PPME1: variants seen among roughly 807,000 people sequenced by gnomAD.
PPME1 encodes protein phosphatase methylesterase 1.
Under a neutral mutation model 56.9 loss-of-function variants are expected in PPME1, and 17 were observed. The ratio of observed to expected loss-of-function variants is 0.30; its 90% CI spans 0.20 to 0.45. The LOEUF (loss-of-function observed/expected upper bound fraction) is 0.45, where lower values mean the gene tolerates loss of function less well. Ranked by LOEUF, PPME1 falls within the 20% of genes least tolerant of loss-of-function variation. PPME1 has a pLI of 1.00. For missense variants in PPME1, 357 were observed against 483.2 expected (o/e 0.74, Z 2.45); for synonymous variants, 122 against 156.2 (o/e 0.78, Z 1.63).
chr11:74,171,765 C>CTGAT (rs771392167), intron 1 of PPME1, among the ~76,000 whole-genome samples: 13 of 151,966 alleles, frequency 8.6e-5, no homozygotes, highest in Non-Finnish European at 1.6e-4. Flanking sequence ...GTTGGGGAAG[C>CTGAT]TGAGAGACTA....
At position 74,200,468 on chromosome 11, in the gene PPME1, G is replaced by A. The variant is rs368417554; in HGVS notation, c.102-3260G>A. On this transcript the variant is annotated intron_variant, in intron 1 of 13. Transcript: ENST00000328257. Reference sequence around the variant, plus strand: ...ACGATTTTGACTCACTGCAACCTCCGCCTTCTGGGTTCAAGCGATTCTCCT... The same window carrying A: ...ACGATTTTGACTCACTGCAACCTCCACCTTCTGGGTTCAAGCGATTCTCCT... Among the ~76,000 whole-genome samples the A allele has an allele frequency of 5.3e-5, 8 of 151,652 alleles. No homozygotes were observed. In the East Asian group the frequency reaches 9.8e-4, roughly 19 times the overall value.
At position 74,171,317 on chromosome 11, in the gene PPME1, G is replaced by A; in HGVS notation, c.-105G>A. 6.6e-7 allele frequency: 1 copy of A among 1,511,194 alleles called. No individual in the cohort carries two copies. Among genetic ancestry groups the A allele is most frequent in the Non-Finnish European group, 8.9e-7 (1 of 1,129,004 alleles). The allele number at this position is 1,511,194 out of a possible 1,614,324, so 93.6% of individuals were successfully genotyped here. ...ACGGGTAGCTGGGTGCTGTCCAAAG[G>A]CGACAGGGCGTCGTTAGGGGAGCGA... On this transcript the variant is annotated 5_prime_UTR_variant, in exon 1 of 14. Transcript: ENST00000328257.
chr11:74,248,052 T>G (rs1324867919), intron 11 of PPME1: 5 of 152,460 alleles, frequency 3.3e-5, no homozygotes. Context: ...TGGGGTATAA[T>G]GAGTAGGAAA....
chr11:74,199,131 C>G (rs942532654), intron 1 of PPME1, among the ~76,000 whole-genome samples: 4 of 152,172 alleles, frequency 2.6e-5, no homozygotes, highest in Non-Finnish European at 5.9e-5. Context: ...TTATCCCTCT[C>G]TCCATCCCTA....
intron 1 of PPME1, among the ~76,000 whole-genome samples, chr11:74,181,109 A>G (rs544107779): frequency 1.3e-4 from 19 of 147,688 alleles, no homozygotes; most frequent in Admixed American, 2.7e-4. Flanking sequence ...CAGTGGCGCA[A>G]TCTCGGCTCA....
At chr11:74,236,808 T>C (rs920857200) in intron 8 of PPME1, among the ~76,000 whole-genome samples, 8 of 152,230 alleles carry the variant, frequency 5.3e-5, no homozygotes, top group African/African-American at 1.9e-4. Context: ...AAGATTTTCA[T>C]ATGATCTAAA....
chr11:74,192,550 G>A (rs1171090653), intron 1 of PPME1, among the ~76,000 whole-genome samples: 1 of 152,076 alleles, frequency 6.6e-6, no homozygotes, highest in African/African-American at 2.4e-5. Context: ...AGAATGATAT[G>A]GTTTGGATGT....
At chr11:74,225,341 G>A in intron 5 of PPME1, 85 bp downstream of exon 5, 1 of 997,092 alleles carries the variant, frequency 1.0e-6, no homozygotes. Flanking sequence ...TTCCTGATGA[G>A]ATTGTTGGGG....
In PPME1 at chr11:74,222,384, T is replaced by C. The variant is rs768364520; in HGVS notation, c.346+15T>C. ...GCGAAGTCATGGTGAGTAAAGTTCT[T>C]AATTAGCCATTAACTGGATTATAGT... On this transcript the variant is annotated intron_variant, in intron 4 of 13. Coordinates refer to ENST00000328257, the MANE Select transcript of PPME1 (RefSeq NM_016147.3). 5 of 1,583,772 alleles carry C rather than the reference T, an allele frequency of 3.2e-6. No homozygotes were observed. Among genetic ancestry groups the C allele is most frequent in the Non-Finnish European group, 4.3e-6 (5 of 1,152,626 alleles).
chr11:74,234,593 A>G (rs970468439), intron 7 of PPME1, among the ~76,000 whole-genome samples: 2 of 152,226 alleles, frequency 1.3e-5, no homozygotes, highest in African/African-American at 2.4e-5. Context: ...GGACCAAGAA[A>G]TGACCATTGG....
At chr11:74,186,464 C>CAA (rs1394703363) in intron 1 of PPME1, among the ~76,000 whole-genome samples, 1 of 152,108 alleles carries the variant, frequency 6.6e-6, no homozygotes, top group Non-Finnish European at 1.5e-5. Context: ...CCCTGAGAGT[C>CAA]AGATTCTAGC....
chr11:74,172,579 A>G (rs1454147991), intron 1 of PPME1, among the ~76,000 whole-genome samples: 2 of 152,210 alleles, frequency 1.3e-5, no homozygotes, highest in African/African-American at 4.8e-5. Flanking sequence ...TTGGAATTTT[A>G]GATCGTTAAA....
intron 3 of PPME1, among the ~76,000 whole-genome samples, chr11:74,214,610 T>G (rs1858575612): frequency 6.6e-6 from 1 of 151,442 alleles, no homozygotes; most frequent in South Asian, 2.1e-4. Context: ...GGAACTCCAG[T>G]ACATCTGGAA....
Position 74,236,879 on chromosome 11 carries a change from C to A in PPME1, c.710+913C>A, listed in dbSNP as rs114105825. Among the ~76,000 whole-genome samples the A allele has an allele frequency of 4.3e-3, 651 of 152,288 alleles. 4 individuals carry two copies. Among genetic ancestry groups the A allele is most frequent in the African/African-American group, 0.015 (627 of 41,562 alleles). ...ATTACACGTAAAAAAATTGGCAATT[C>A]TTTAATATCATCAAATATCTAATCA... On this transcript the variant is annotated intron_variant, in intron 8 of 13. Coordinates refer to ENST00000328257, the MANE Select transcript of PPME1 (RefSeq NM_016147.3).
rs2096705 is a variant in PPME1 at position 74,193,370 on chromosome 11, A to G, written c.102-10358A>G. 7.8e-3 allele frequency among the ~76,000 whole-genome samples: 1,185 copies of G among 152,356 alleles called. 6 individuals carry two copies. Among genetic ancestry groups the G allele is most frequent in the Non-Finnish European group, 0.014 (922 of 68,028 alleles). ...AAAAACATTGTTTAAAATTACCTCC[A>G]GGCCATGTGTATAAGGTCTTTATTA... On this transcript the variant is annotated intron_variant, in intron 1 of 13. Transcript: ENST00000328257.
intron 9 of PPME1, among the ~76,000 whole-genome samples, chr11:74,241,057 C>T (rs1179702757): frequency 1.3e-5 from 2 of 151,970 alleles, no homozygotes; most frequent in Non-Finnish European, 2.9e-5. Context: ...TTTATAAGCC[C>T]AATTATGTGG....
chr11:74,250,861 A>G (rs1859639942), intron 11 of PPME1, 93 bp from the exon 12 acceptor site: 1 of 1,034,100 alleles, frequency 9.7e-7, no homozygotes, highest in Admixed American at 2.0e-5. Flanking sequence ...GGAAATGGGG[A>G]GGTAGGTCCT....
chr11:74,216,103 AGATAGAAAAAT>A (rs1193619967), intron 3 of PPME1, among the ~76,000 whole-genome samples: 1 of 152,146 alleles, frequency 6.6e-6, no homozygotes, highest in Non-Finnish European at 1.5e-5. Flanking sequence ...CAGATAATCG[AGATAGAAAAAT>A]TTACGTAATC....
At chr11:74,251,450 C>G in intron 12 of PPME1, 198 bp from the exon 13 acceptor site, 1 of 1,421,720 alleles carries the variant, frequency 7.0e-7, no homozygotes, top group Non-Finnish European at 9.2e-7. Flanking sequence ...CTCTATGGAG[C>G]TATCCCTGGC....
Sources: allele counts gnomAD v4.1 joint callset (sites outside exome capture counted in the v4.1 genomes callset), GRCh38; gene constraint gnomAD v4.1.1; transcripts MANE v1.5; gene names NCBI Gene and HGNC (gene_info 2026-07-23, HGNC 2026-07-21).